ITGA9: variants seen among roughly 807,000 people sequenced by gnomAD.
ITGA9 encodes the protein integrin alpha-9.
Under a neutral mutation model 127.8 loss-of-function variants are expected in ITGA9, and 56 were observed. That is an observed-to-expected ratio of 0.44 (90% CI 0.35 to 0.55). The LOEUF (loss-of-function observed/expected upper bound fraction) is 0.55, where lower values mean the gene tolerates loss of function less well. Among genes scored for constraint, ITGA9 ranks in the 20% least tolerant of loss-of-function variants. The pLI, the probability that ITGA9 is intolerant of heterozygous loss-of-function variation, is 0.00. For missense variants in ITGA9, 1,196 were observed against 1,347.1 expected (o/e 0.89, Z 1.76); for synonymous variants, 508 against 514.5 (o/e 0.99, Z 0.17).
At chr3:37,784,029 C>T (rs1338236857) in intron 25 of ITGA9, among the ~76,000 whole-genome samples, 1 of 152,188 alleles carries the variant, frequency 6.6e-6, no homozygotes, top group East Asian at 1.9e-4. Context: ...GTGTAAGCTC[C>T]TTGCATGACA....
At chr3:37,782,874 T>G (rs955965780) in intron 25 of ITGA9, among the ~76,000 whole-genome samples, 17 of 152,244 alleles carry the variant, frequency 1.1e-4, no homozygotes, top group Non-Finnish European at 1.5e-5. Context: ...GCGCAGTGGC[T>G]CACGCCTGTA....
At chr3:37,650,837 G>A (rs1700422855) in intron 16 of ITGA9, among the ~76,000 whole-genome samples, 7 of 152,114 alleles carry the variant, frequency 4.6e-5, no homozygotes. Flanking sequence ...GATGCACAGT[G>A]CCTAAGACAA....
Position 37,732,738 on chromosome 3 carries a change from G to C in ITGA9, c.2094G>C (p.Leu698=), listed in dbSNP as rs143192797. 3.6e-3 allele frequency: 5,753 copies of C among 1,610,660 alleles called. 21 individuals are homozygous for C. Among genetic ancestry groups the C allele is most frequent in the Middle Eastern group, 8.3e-3 (50 of 6,056 alleles). The change falls in exon 19 of 28, where the codon CTG becomes CTC. Residue 698 remains leucine, a synonymous_variant. Coordinates refer to ENST00000264741, the MANE Select transcript of ITGA9 (RefSeq NM_002207.3). ...QKEEMGISCE[L]LESDFLKCSV... is the part of the protein sequence containing the mutation. ...AGGAGATGGGCATCTCCTGTGAGCT[G>C]CTGGAATCGGACTTCCTCAAATGCA...
At chr3:37,545,280 A>T (rs1559533127) in intron 15 of ITGA9, among the ~76,000 whole-genome samples, 1 of 152,116 alleles carries the variant, frequency 6.6e-6, no homozygotes, top group Admixed American at 6.5e-5. Context: ...TGGCTAGCAG[A>T]CAGTGGGGCC....
At chr3:37,540,550 G>T (rs965020532) in intron 14 of ITGA9, among the ~76,000 whole-genome samples, 6 of 152,162 alleles carry the variant, frequency 3.9e-5, no homozygotes, top group Admixed American at 3.3e-4. Flanking sequence ...GAACAAGTGT[G>T]GTGGGAATAG....
intron 27 of ITGA9, among the ~76,000 whole-genome samples, chr3:37,817,894 C>T (rs1487295628): frequency 1.3e-5 from 2 of 152,090 alleles, no homozygotes; most frequent in Non-Finnish European, 2.9e-5. Flanking sequence ...CAGGATGAAA[C>T]GCCCGTTCTA....
At chr3:37,642,235 C>T (rs1055936902) in intron 16 of ITGA9, among the ~76,000 whole-genome samples, 8 of 152,218 alleles carry the variant, frequency 5.3e-5, no homozygotes, top group African/African-American at 7.2e-5. Context: ...CATGAGCCAC[C>T]GTGCATGGCC....
chr3:37,599,098 G>A (rs144467317), intron 15 of ITGA9, among the ~76,000 whole-genome samples: 77 of 152,374 alleles, frequency 5.1e-4, no homozygotes, highest in African/African-American at 1.6e-3. Context: ...TTATAGGAAG[G>A]ATTCAGTTCT....
Position 37,594,273 on chromosome 3 carries a change from G to A in ITGA9, c.1690-34914G>A, listed in dbSNP as rs139657460. Reference sequence around the variant, plus strand: ...TAATGTACGTTTATACCAGGAGCAAGTGGAGCTGGGGAGGGGACTCACATC... The same window carrying A: ...TAATGTACGTTTATACCAGGAGCAAATGGAGCTGGGGAGGGGACTCACATC... On this transcript the variant is annotated intron_variant, in intron 15 of 27. Coordinates refer to ENST00000264741, the MANE Select transcript of ITGA9 (RefSeq NM_002207.3). 2.2e-3 allele frequency among the ~76,000 whole-genome samples: 329 copies of A among 152,328 alleles called. 4 individuals carry two copies. Among genetic ancestry groups the A allele is most frequent in the African/African-American group, 7.7e-3 (320 of 41,572 alleles).
intron 25 of ITGA9, among the ~76,000 whole-genome samples, chr3:37,781,839 CAG>C (rs1018673568): frequency 2.0e-5 from 3 of 152,182 alleles, no homozygotes; most frequent in African/African-American, 4.8e-5. Context: ...ATGCAGGCAT[CAG>C]GGGATGTTTT....
At chr3:37,611,996 A>C (rs911873370) in intron 15 of ITGA9, among the ~76,000 whole-genome samples, 1 of 152,034 alleles carries the variant, frequency 6.6e-6, no homozygotes, top group Non-Finnish European at 1.5e-5. Context: ...TTAAAACCCC[A>C]GGGGCCCTGG....
At chr3:37,779,430 T>C (rs948774433) in intron 24 of ITGA9, among the ~76,000 whole-genome samples, 1 of 152,216 alleles carries the variant, frequency 6.6e-6, no homozygotes, top group Non-Finnish European at 1.5e-5. Context: ...ATTGTAACTT[T>C]TGTGTTTTCT....
intron 17 of ITGA9, among the ~76,000 whole-genome samples, chr3:37,679,906 C>G (rs555494782): frequency 6.6e-6 from 1 of 152,172 alleles, no homozygotes; most frequent in South Asian, 2.1e-4. Flanking sequence ...ACCAAAAAGC[C>G]CCACAAACAA....
intron 20 of ITGA9, among the ~76,000 whole-genome samples, chr3:37,740,653 A>C (rs989136840): frequency 1.9e-4 from 29 of 152,300 alleles, no homozygotes; most frequent in African/African-American, 6.7e-4. Context: ...TACCTGTCAA[A>C]GGTGGGTGCT....
chr3:37,715,487 AG>A (rs770424151), intron 18 of ITGA9, among the ~76,000 whole-genome samples: 2 of 152,206 alleles, frequency 1.3e-5, no homozygotes, highest in Non-Finnish European at 2.9e-5. Context: ...CCTGCTGTTC[AG>A]GGCCTCTGCC....
In ITGA9 at chr3:37,542,498, G is replaced by T; in HGVS notation, c.1602G>T (p.Leu534=). 1 of 1,614,094 alleles carries T rather than the reference G, an allele frequency of 6.2e-7. No homozygotes were observed. The highest frequency in any genetic ancestry group is 8.5e-7 in the Non-Finnish European group (1 of 1,180,004). Residue 534 remains leucine, a synonymous_variant, in exon 15 of 28, where the codon CTG becomes CTT. Transcript: ENST00000264741. ...AGATGCCCAGGGTCTACTTTGTGCT[G>T]CTGGGAGAGACCATGGGTCAGGTCA... ...KGQMPRVYFV[L]LGETMGQVTE...
intron 15 of ITGA9, among the ~76,000 whole-genome samples, chr3:37,544,621 G>A (rs1405633717): frequency 1.3e-5 from 2 of 152,186 alleles, no homozygotes; most frequent in African/African-American, 4.8e-5. Flanking sequence ...TTTGGAGGCT[G>A]AGCTCAGGGC....
In ITGA9 at chr3:37,518,771, C is replaced by CTT. The variant is rs543297344; in HGVS notation, c.1142-459_1142-458dup. ...GTCAGCTTCTATAGTTTTCACTGTACTTTTTTTTTTTTTTTTTTTTTTTTT... is the reference window on the plus strand; with the variant it reads ...GTCAGCTTCTATAGTTTTCACTGTACTTTTTTTTTTTTTTTTTTTTTTTTTTT... On this transcript the variant is annotated intron_variant, in intron 10 of 27. Coordinates refer to ENST00000264741, the MANE Select transcript of ITGA9 (RefSeq NM_002207.3). Among the ~76,000 whole-genome samples the CTT allele has an allele frequency of 8.5e-4, 37 of 43,514 alleles. 5 individuals are homozygous for CTT. Among genetic ancestry groups the CTT allele is most frequent in the Admixed American group, 1.1e-3 (3 of 2,672 alleles). The allele number at this position is 43,514 out of a possible 152,430, so 28.5% of individuals were successfully genotyped here. A position where few individuals can be genotyped will look rare whatever the true frequency, so the allele number is the denominator to read the frequency against.
intron 3 of ITGA9, among the ~76,000 whole-genome samples, chr3:37,475,490 T>C (rs1045442702): frequency 6.6e-6 from 1 of 152,136 alleles, no homozygotes; most frequent in Non-Finnish European, 1.5e-5. Context: ...TGAACAGCAA[T>C]GAGGACCACA....
Sources: allele counts gnomAD v4.1 joint callset (sites outside exome capture counted in the v4.1 genomes callset), GRCh38; gene constraint gnomAD v4.1.1; transcripts MANE v1.5; gene names NCBI Gene and HGNC (gene_info 2026-07-23, HGNC 2026-07-21).